Variants in APBB1IP observed in about 807,000 individuals in gnomAD.
APBB1IP encodes amyloid beta A4 precursor protein-binding family B member 1-interacting protein.
APBB1IP carries 27 observed loss-of-function variants against 64.9 expected under a neutral mutation model. That is an observed-to-expected ratio of 0.42 (90% CI 0.31 to 0.57). The LOEUF (loss-of-function observed/expected upper bound fraction) is 0.57, where lower values mean the gene tolerates loss of function less well. Ranked by LOEUF, APBB1IP falls within the 20% of genes least tolerant of loss-of-function variation. APBB1IP has a pLI of 0.20. For missense variants in APBB1IP, 812 were observed against 845.5 expected (o/e 0.96, Z 0.49); for synonymous variants, 392 against 331.0 (o/e 1.18, Z -2.00).
chr10:26,556,551 A>G (rs929863809), intron 11 of APBB1IP, among the ~76,000 whole-genome samples: 1 of 152,248 alleles, frequency 6.6e-6, no homozygotes, highest in African/African-American at 2.4e-5. Context: ...TTTTATGTTC[A>G]AAAGTCATTT....
chr10:26,508,641 T>C (rs574985224), intron 6 of APBB1IP, among the ~76,000 whole-genome samples: 1 of 152,286 alleles, frequency 6.6e-6, no homozygotes, highest in Non-Finnish European at 1.5e-5. Flanking sequence ...TTTAATGTTA[T>C]GTGTTGGTAT....
At chr10:26,544,426 G>A (rs1265708154) in intron 11 of APBB1IP, among the ~76,000 whole-genome samples, 5 of 152,204 alleles carry the variant, frequency 3.3e-5, no homozygotes, top group African/African-American at 1.2e-4. Context: ...CTAGGGTTAG[G>A]GTTAGGGTTT....
chr10:26,510,946 A>G (rs1458066467), intron 6 of APBB1IP, among the ~76,000 whole-genome samples: 1 of 151,986 alleles, frequency 6.6e-6, no homozygotes, highest in African/African-American at 2.4e-5. Flanking sequence ...CCTTTAGAGA[A>G]TTGTAGATTA....
chr10:26,469,224 T>C (rs1835685490), intron 2 of APBB1IP, among the ~76,000 whole-genome samples: 1 of 151,584 alleles, frequency 6.6e-6, no homozygotes, highest in Admixed American at 6.6e-5. Context: ...TATTTATCTA[T>C]TTATATAAGT....
intron 8 of APBB1IP, among the ~76,000 whole-genome samples, chr10:26,519,843 C>T (rs1836381995): frequency 6.6e-6 from 1 of 152,198 alleles, no homozygotes; most frequent in African/African-American, 2.4e-5. Context: ...GGCCAGTGCT[C>T]TGCATACATA....
At chr10:26,510,654 T>C (rs1175299143) in intron 6 of APBB1IP, among the ~76,000 whole-genome samples, 1 of 151,300 alleles carries the variant, frequency 6.6e-6, no homozygotes, top group Non-Finnish European at 1.5e-5. Flanking sequence ...GAGGATCAGT[T>C]GAGCCCAGGA....
chr10:26,440,251 G>A lies in APBB1IP; in HGVS notation c.-1+1398G>A, dbSNP rs144143115. On this transcript the variant is annotated intron_variant, in intron 2 of 14. Transcript: ENST00000376236. ...AACTTCTCCCTGGACTTCAGATAACGTCAGTAAAGTGAGATGATTGGGCTA... is the reference window on the plus strand; with the variant it reads ...AACTTCTCCCTGGACTTCAGATAACATCAGTAAAGTGAGATGATTGGGCTA... Among the ~76,000 whole-genome samples the A allele has an allele frequency of 3.5e-4, 54 of 152,174 alleles. No homozygotes were observed. The East Asian group carries it at 0.01, about 29-fold the overall frequency.
At chr10:26,503,412 G>A in intron 6 of APBB1IP, 138 bp downstream of exon 6, 1 of 718,310 alleles carries the variant, frequency 1.4e-6, no homozygotes, top group South Asian at 1.8e-5. Context: ...AAGGTGGGTG[G>A]ATCATGAGGT....
At chr10:26,478,775 C>T (rs1230225878) in intron 2 of APBB1IP, among the ~76,000 whole-genome samples, 3 of 152,024 alleles carry the variant, frequency 2.0e-5, no homozygotes, top group Non-Finnish European at 4.4e-5. Flanking sequence ...GAGGAACCCA[C>T]AGAGAAGGCT....
At chr10:26,489,778 A>T (rs1350545112) in intron 2 of APBB1IP, among the ~76,000 whole-genome samples, 1 of 152,218 alleles carries the variant, frequency 6.6e-6, no homozygotes, top group Non-Finnish European at 1.5e-5. Flanking sequence ...TAATCCCAAC[A>T]CTTTGGGAGG....
At chr10:26,474,125 AGAAACAAC>A (rs1835750191) in intron 2 of APBB1IP, among the ~76,000 whole-genome samples, 1 of 151,896 alleles carries the variant, frequency 6.6e-6, no homozygotes, top group Admixed American at 6.6e-5. Context: ...TTTTGCAATT[AGAAACAAC>A]TCACAAAACA....
At chr10:26,480,700 C>T (rs1835825237) in intron 2 of APBB1IP, among the ~76,000 whole-genome samples, 1 of 135,014 alleles carries the variant, frequency 7.4e-6, no homozygotes, top group Non-Finnish European at 1.5e-5. Flanking sequence ...CTCCTGGGCT[C>T]AAGTGATCTG....
chr10:26,477,166 T>C lies in APBB1IP; in HGVS notation c.1-15161T>C, dbSNP rs1269864770. ...GAATATTCCTCAGTTTGGATTTAGCTGATCAATTCATCTTGATTTTGGTAG... is the reference window on the plus strand; with the variant it reads ...GAATATTCCTCAGTTTGGATTTAGCCGATCAATTCATCTTGATTTTGGTAG... On this transcript the variant is annotated intron_variant, in intron 2 of 14. Transcript: ENST00000376236. Among the ~76,000 whole-genome samples the C allele has an allele frequency of 3.9e-5, 6 of 152,322 alleles. No individual in the cohort carries two copies. The East Asian group carries it at 9.6e-4, about 24-fold the overall frequency.
chr10:26,530,559 G>T (rs955659396), intron 8 of APBB1IP, among the ~76,000 whole-genome samples: 1 of 152,010 alleles, frequency 6.6e-6, no homozygotes, highest in South Asian at 2.1e-4. Context: ...GCGTGGTAGT[G>T]CGTGCCTGTA....
intron 11 of APBB1IP, among the ~76,000 whole-genome samples, chr10:26,546,210 T>A (rs578086207): frequency 7.4e-4 from 113 of 152,358 alleles, no homozygotes; most frequent in Non-Finnish European, 1.4e-3. Flanking sequence ...ATTAGTGCAA[T>A]GTCTAGAAAC....
At chr10:26,531,393 C>T (rs995827613) in intron 8 of APBB1IP, among the ~76,000 whole-genome samples, 8 of 151,828 alleles carry the variant, frequency 5.3e-5, no homozygotes, top group Non-Finnish European at 1.2e-4. Context: ...AGCAGCCAGG[C>T]GCGGTGGCTC....
intron 11 of APBB1IP, among the ~76,000 whole-genome samples, chr10:26,555,458 CT>C (rs1218688625): frequency 9.2e-5 from 14 of 152,268 alleles, no homozygotes; most frequent in African/African-American, 3.4e-4. Context: ...CATTTTCAAA[CT>C]TTTAGTATGG....
At chr10:26,503,361 C>A in intron 6 of APBB1IP, 87 bp downstream of exon 6, 2 of 1,344,208 alleles carry the variant, frequency 1.5e-6, no homozygotes, top group African/African-American at 2.9e-5. Context: ...TAAAGCCGGG[C>A]GCGGTGGCTC....
At chr10:26,514,656 C>T (rs1208558290) in intron 8 of APBB1IP, among the ~76,000 whole-genome samples, 3 of 146,756 alleles carry the variant, frequency 2.0e-5, no homozygotes, top group Non-Finnish European at 3.0e-5. Context: ...ATTTTCCAGA[C>T]ACCTTTCCCT....
Sources: gnomAD v4.1 joint callset for allele counts (sites outside exome capture counted in the v4.1 genomes callset) on GRCh38, gnomAD v4.1.1 for gene constraint, MANE v1.5 for transcripts, NCBI Gene and HGNC (gene_info 2026-07-23, HGNC 2026-07-21) for gene names.